The following RNGTT variants were observed in gnomAD, a reference collection of about 807,000 sequenced individuals.
RNGTT encodes the protein RNA guanylyltransferase and 5'-phosphatase.
In RNGTT, 33 loss-of-function variants were observed where a neutral mutation model predicts 79.3. That is an observed-to-expected ratio of 0.42 (90% confidence interval 0.32 to 0.56). RNGTT has a LOEUF of 0.56. Ranked by LOEUF, RNGTT falls within the 20% of genes least tolerant of loss-of-function variation. RNGTT has a pLI of 0.17. For synonymous variants in RNGTT, 222 were observed against 235.9 expected, an observed-to-expected ratio of 0.94 and a Z score of 0.54; for missense variants, 497 against 739.1, an observed-to-expected ratio of 0.67 and a Z score of 3.80.
chr6:88,659,084 C>T (rs930215328), intron 14 of RNGTT, among the ~76,000 whole-genome samples: 2 of 152,146 alleles, frequency 1.3e-5, no homozygotes, highest in African/African-American at 4.8e-5. Context: ...TCTAGAGAAC[C>T]CTGACATACA....
intron 13 of RNGTT, among the ~76,000 whole-genome samples, chr6:88,702,664 A>AT (rs1197959844): frequency 6.6e-6 from 1 of 152,186 alleles, no homozygotes; most frequent in African/African-American, 2.4e-5. Flanking sequence ...AGAATTTATG[A>AT]TTAAGTCCTC....
chr6:88,911,665 C>T (rs1010431235), intron 4 of RNGTT, among the ~76,000 whole-genome samples: 3 of 151,930 alleles, frequency 2.0e-5, no homozygotes, highest in South Asian at 4.2e-4. Context: ...GGGCAAACAA[C>T]GAAATTAAGA....
intron 14 of RNGTT, among the ~76,000 whole-genome samples, chr6:88,644,055 A>C (rs1483470545): frequency 6.6e-6 from 1 of 152,210 alleles, no homozygotes. Flanking sequence ...AAATCAATGA[A>C]TCCAGGAGCT....
intron 2 of RNGTT, among the ~76,000 whole-genome samples, chr6:88,931,756 C>G (rs549987522): frequency 1.3e-5 from 2 of 152,290 alleles, no homozygotes; most frequent in East Asian, 1.9e-4. Flanking sequence ...GGACCCCTAA[C>G]AGAGGGACCG....
chr6:88,624,800 A>G (rs1387925908), intron 14 of RNGTT, among the ~76,000 whole-genome samples: 2 of 151,946 alleles, frequency 1.3e-5, no homozygotes, highest in Non-Finnish European at 2.9e-5. Context: ...ATAGATTATA[A>G]TAAAATATTT....
intron 13 of RNGTT, among the ~76,000 whole-genome samples, chr6:88,688,599 C>T (rs1775362737): frequency 6.6e-6 from 1 of 152,096 alleles, no homozygotes; most frequent in South Asian, 2.1e-4. Context: ...TAAGGAAGTA[C>T]TGAAAAATGA....
intron 13 of RNGTT, among the ~76,000 whole-genome samples, chr6:88,681,739 G>C (rs1254104847): frequency 2.0e-5 from 3 of 152,060 alleles, no homozygotes; most frequent in Non-Finnish European, 4.4e-5. Flanking sequence ...TTTTAAAATA[G>C]AAACCCTGAC....
intron 8 of RNGTT, among the ~76,000 whole-genome samples, chr6:88,862,599 G>T (rs1003176242): frequency 1.3e-5 from 2 of 152,218 alleles, no homozygotes; most frequent in Non-Finnish European, 2.9e-5. Flanking sequence ...AGGGGGTTGT[G>T]AGAACTCCAA....
chr6:88,724,556 A>C (rs960888718), intron 13 of RNGTT, among the ~76,000 whole-genome samples: 3 of 152,116 alleles, frequency 2.0e-5, no homozygotes, highest in African/African-American at 7.2e-5. Context: ...ATTTTTCCAC[A>C]GACAGGGGAA....
chr6:88,731,594 A>C (rs951765824), intron 13 of RNGTT, among the ~76,000 whole-genome samples: 11 of 152,230 alleles, frequency 7.2e-5, no homozygotes, highest in African/African-American at 1.7e-4. Flanking sequence ...ACAACAATAA[A>C]AAATAAACAA....
intron 11 of RNGTT, among the ~76,000 whole-genome samples, chr6:88,807,099 G>C (rs942952299): frequency 6.6e-6 from 1 of 152,174 alleles, no homozygotes; most frequent in Non-Finnish European, 1.5e-5. Flanking sequence ...TGGGGGGCAT[G>C]GGGAGAGGGA....
intron 8 of RNGTT, among the ~76,000 whole-genome samples, chr6:88,868,252 A>G (rs1331333921): frequency 6.6e-6 from 1 of 152,180 alleles, no homozygotes; most frequent in East Asian, 1.9e-4. Flanking sequence ...GAGATAAAGG[A>G]TCTCCCATTT....
intron 12 of RNGTT, among the ~76,000 whole-genome samples, chr6:88,775,218 T>C (rs1237002468): frequency 1.3e-5 from 2 of 152,194 alleles, no homozygotes; most frequent in Non-Finnish European, 2.9e-5. Flanking sequence ...TCCTCACAGT[T>C]ACCTTGTATG....
intron 13 of RNGTT, among the ~76,000 whole-genome samples, chr6:88,754,379 T>C (rs921353311): frequency 6.6e-6 from 1 of 152,142 alleles, no homozygotes; most frequent in African/African-American, 2.4e-5. Flanking sequence ...GGGCTGAACA[T>C]ATTTGAAGCC....
At chr6:88,830,969 C>T (rs1161431409) in intron 11 of RNGTT, among the ~76,000 whole-genome samples, 3 of 152,068 alleles carry the variant, frequency 2.0e-5, no homozygotes, top group Non-Finnish European at 4.4e-5. Flanking sequence ...CAAAAACAGC[C>T]CAGGACCGGA....
chr6:88,847,342 G>C (rs1781518034), intron 10 of RNGTT, among the ~76,000 whole-genome samples: 1 of 151,984 alleles, frequency 6.6e-6, no homozygotes, highest in Non-Finnish European at 1.5e-5. Flanking sequence ...GATGATCGAT[G>C]CTGAGAGTCA....
At chr6:88,819,621 T>C (rs1780435433) in intron 11 of RNGTT, among the ~76,000 whole-genome samples, 1 of 152,194 alleles carries the variant, frequency 6.6e-6, no homozygotes, top group Admixed American at 6.5e-5. Context: ...ACAAGGACTT[T>C]AGTACTTGAA....
At chr6:88,669,917 G>A (rs143501520) in intron 14 of RNGTT, among the ~76,000 whole-genome samples, 3 of 152,214 alleles carry the variant, frequency 2.0e-5, no homozygotes, top group Non-Finnish European at 4.4e-5. Flanking sequence ...AAGATGGTTC[G>A]TGGGGATACC....
intron 11 of RNGTT, among the ~76,000 whole-genome samples, chr6:88,840,228 G>A (rs1169645459): frequency 6.6e-6 from 1 of 152,082 alleles, no homozygotes; most frequent in African/African-American, 2.4e-5. Context: ...CCTATAACTG[G>A]TGTTACTAAG....
Sources: gnomAD v4.1 joint callset for allele counts (sites outside exome capture counted in the v4.1 genomes callset) on GRCh38, gnomAD v4.1.1 for gene constraint, MANE v1.5 for transcripts, NCBI Gene and HGNC (gene_info 2026-07-23, HGNC 2026-07-21) for gene names.